Variants in SORCS1 observed in about 807,000 individuals in gnomAD.
SORCS1 encodes VPS10 domain-containing receptor SorCS1.
Under a neutral mutation model 146.1 loss-of-function variants are expected in SORCS1, and 60 were observed. The ratio of observed to expected loss-of-function variants is 0.41; its 90% CI spans 0.33 to 0.51. The LOEUF (loss-of-function observed/expected upper bound fraction) is 0.51. Ranked by LOEUF, SORCS1 falls within the 20% of genes least tolerant of loss-of-function variation. The probability of loss-of-function intolerance (pLI) is 0.21; values close to 1 mark genes in which losing one functional copy is unlikely to be tolerated. For missense variants in SORCS1, 1,352 were observed against 1,487.6 expected, an observed-to-expected ratio of 0.91 and a Z score of 1.50; for synonymous variants, 637 against 584.0, an observed-to-expected ratio of 1.09 and a Z score of -1.31.
intron 19 of SORCS1, 86 bp from the exon 20 acceptor site, chr10:106,620,647 C>T: frequency 6.8e-7 from 1 of 1,465,442 alleles, no homozygotes; most frequent in Non-Finnish European, 9.1e-7. Context: ...CACACATTTA[C>T]TCTTGAAGCC....
chr10:106,913,482 G>A (rs1217716526), intron 2 of SORCS1, among the ~76,000 whole-genome samples: 1 of 152,184 alleles, frequency 6.6e-6, no homozygotes, highest in Non-Finnish European at 1.5e-5. Flanking sequence ...CTACTCTACG[G>A]CTTTCTCAGT....
chr10:106,597,180 C>T (rs56063040), intron 24 of SORCS1, among the ~76,000 whole-genome samples, 171 bp downstream of exon 24: 3,044 of 152,248 alleles, frequency 0.02, 35 homozygotes, highest in Middle Eastern at 0.051. Context: ...TGTTGTTTAA[C>T]GGTTCTCCAT....
intron 16 of SORCS1, among the ~76,000 whole-genome samples, chr10:106,670,675 C>A (rs1236248989): frequency 6.6e-6 from 1 of 151,410 alleles, no homozygotes; most frequent in East Asian, 1.9e-4. Context: ...CTGTTTGAAG[C>A]AGCACAGAAA....
intron 6 of SORCS1, among the ~76,000 whole-genome samples, chr10:106,714,492 C>G (rs1030579292): frequency 2.6e-5 from 4 of 152,026 alleles, no homozygotes; most frequent in Admixed American, 2.0e-4. Flanking sequence ...TTAGAGGAAG[C>G]TGGGTATAAA....
Position 106,931,915 on chromosome 10 carries a change from G to T in SORCS1, c.626+24598C>A, listed in dbSNP as rs563811167. On this transcript the variant is annotated intron_variant, in intron 2 of 25. Coordinates refer to ENST00000263054, the MANE Select transcript of SORCS1 (RefSeq NM_052918.5). ...AATAGGAGATAAATGCACTGCAAAT[G>T]CTGGTCATACATGCTAGTAAGACAG... is the stretch of plus-strand genomic sequence containing the variant. Among the ~76,000 whole-genome samples, 74 of 152,318 alleles carry T rather than the reference G, an allele frequency of 4.9e-4. 2 individuals are homozygous for T. Among genetic ancestry groups the T allele is most frequent in the Admixed American group, 7.8e-4 (12 of 15,300 alleles).
intron 1 of SORCS1, among the ~76,000 whole-genome samples, chr10:106,975,838 C>T (rs1955967752): frequency 1.3e-5 from 2 of 152,150 alleles, no homozygotes; most frequent in South Asian, 4.1e-4. Flanking sequence ...TTCTCAATTT[C>T]CAATACACAG....
chr10:106,867,183 C>T (rs1950250000), intron 2 of SORCS1, among the ~76,000 whole-genome samples: 1 of 151,944 alleles, frequency 6.6e-6, no homozygotes, highest in African/African-American at 2.4e-5. Flanking sequence ...TAAAGGCAGC[C>T]AGAGAAAAAA....
At chr10:106,653,817 G>A (rs1475526613) in intron 17 of SORCS1, among the ~76,000 whole-genome samples, 4 of 152,128 alleles carry the variant, frequency 2.6e-5, no homozygotes, top group Non-Finnish European at 5.9e-5. Flanking sequence ...CTAATACTCT[G>A]CAAGTGCTCA....
chr10:106,991,101 C>T (rs1297484423), intron 1 of SORCS1, among the ~76,000 whole-genome samples: 1 of 152,168 alleles, frequency 6.6e-6, no homozygotes, highest in Admixed American at 6.5e-5. Flanking sequence ...TATGTTCACC[C>T]ATTTGTCAAA....
rs559651041 is a variant in SORCS1 at position 106,761,591 on chromosome 10, T to A, written c.956A>T (p.Tyr319Phe). The change falls in exon 5 of 26, where the codon TAC becomes TTC. Residue 319 changes from tyrosine (Y) to phenylalanine (F), a missense_variant. This residue lies in a region of SORCS1 where 490 missense variants were observed against 489.1 expected (regional missense o/e 1.00). Coordinates refer to ENST00000263054, the MANE Select transcript of SORCS1 (RefSeq NM_052918.5). Reference sequence around the variant, plus strand: ...TACAAGATAAAGTGAGACTTACCAGTAGAACCTGTTTGGTACAACCCCTTC... The same window carrying A: ...TACAAGATAAAGTGAGACTTACCAGAAGAACCTGTTTGGTACAACCCCTTC... ...IQEGVVPNRF[Y>F]WSVMGSNKEP... is the part of the protein sequence containing the mutation. The A allele has an allele frequency of 6.2e-6, 10 of 1,613,916 alleles. No individual in the cohort carries two copies. The highest frequency in any genetic ancestry group is 2.2e-5 in the East Asian group (1 of 44,884).
intron 1 of SORCS1, among the ~76,000 whole-genome samples, chr10:107,012,395 T>C (rs544114245): frequency 6.6e-6 from 1 of 152,324 alleles, no homozygotes; most frequent in Non-Finnish European, 1.5e-5. Flanking sequence ...TCACAGCTCA[T>C]AGGATTTTTG....
At chr10:106,743,963 G>A (rs1052047398) in intron 5 of SORCS1, among the ~76,000 whole-genome samples, 1 of 151,670 alleles carries the variant, frequency 6.6e-6, no homozygotes, top group Non-Finnish European at 1.5e-5. Context: ...TAAGACTTTT[G>A]CATCATATCA....
intron 24 of SORCS1, among the ~76,000 whole-genome samples, chr10:106,583,456 G>C (rs1454561088): frequency 6.6e-6 from 1 of 152,108 alleles, no homozygotes; most frequent in Non-Finnish European, 1.5e-5. Context: ...TAACACTCTA[G>C]GAAATGCCTC....
intron 1 of SORCS1, among the ~76,000 whole-genome samples, chr10:107,093,981 T>C (rs975050038): frequency 3.9e-5 from 6 of 152,122 alleles, no homozygotes; most frequent in African/African-American, 2.4e-5. Context: ...CATAGCTCAC[T>C]CCCATGCCAC....
chr10:106,731,790 A>G (rs909127845), intron 5 of SORCS1, among the ~76,000 whole-genome samples: 2 of 152,178 alleles, frequency 1.3e-5, no homozygotes, highest in Admixed American at 1.3e-4. Context: ...TTCTCTTTAC[A>G]CACTTTATAT....
At chr10:106,889,935 T>C (rs1951165610) in intron 2 of SORCS1, among the ~76,000 whole-genome samples, 2 of 146,236 alleles carry the variant, frequency 1.4e-5, no homozygotes, top group East Asian at 2.0e-4. Context: ...CCTAGCTTGA[T>C]ATTAGGACAC....
At chr10:106,888,380 T>C (rs1230660363) in intron 2 of SORCS1, among the ~76,000 whole-genome samples, 1 of 152,026 alleles carries the variant, frequency 6.6e-6, no homozygotes, top group Non-Finnish European at 1.5e-5. Flanking sequence ...TTTTTCATGA[T>C]AGAAACAGCA....
chr10:106,574,283 GCA>G lies in SORCS1; in HGVS notation c.*3135_*3136del, dbSNP rs1169246893. On this transcript the variant is annotated 3_prime_UTR_variant, in exon 26 of 26. Coordinates refer to ENST00000263054, the MANE Select transcript of SORCS1 (RefSeq NM_052918.5). The stretch of plus-strand genomic sequence containing the variant: ...GCTTGGGTGGTTCAGGGTAGAACAT[GCA>G]CAGTTTGCCTTCTGGGATTTTGGAA... 6.6e-6 allele frequency: 1 copy of G among 152,632 alleles called. No individual in the cohort carries two copies. Among genetic ancestry groups the G allele is most frequent in the East Asian group, 1.9e-4 (1 of 5,196 alleles). The allele number at this position is 152,632 out of a possible 1,614,324, so 9.5% of individuals were successfully genotyped here.
chr10:106,944,378 G>A (rs1410201153), intron 2 of SORCS1, among the ~76,000 whole-genome samples: 1 of 152,102 alleles, frequency 6.6e-6, no homozygotes, highest in Non-Finnish European at 1.5e-5. Flanking sequence ...TGAAATATGG[G>A]ATGTACTCAC....
Sources: allele counts gnomAD v4.1 joint callset (sites outside exome capture counted in the v4.1 genomes callset), GRCh38; gene constraint gnomAD v4.1.1; regional missense constraint gnomAD v4.1.1; transcripts MANE v1.5; gene names NCBI Gene and HGNC (gene_info 2026-07-23, HGNC 2026-07-21).